Variants in CPQ observed in about 807,000 individuals in gnomAD.
The protein encoded by CPQ is Ser-Met dipeptidase.
CPQ carries 37 observed loss-of-function variants against 45.7 expected under a neutral mutation model. That is an observed-to-expected ratio of 0.81 (90% confidence interval 0.62 to 1.07). The LOEUF is 1.07. Ranked by LOEUF, CPQ falls within the 50% of genes least tolerant of loss-of-function variation. CPQ has a pLI of 0.00. For missense variants in CPQ, 537 were observed against 572.9 expected (o/e 0.94, Z 0.64); for synonymous variants, 186 against 205.8 (o/e 0.90, Z 0.82).
intron 7 of CPQ, among the ~76,000 whole-genome samples, chr8:97,096,518 T>TA (rs1331139744): frequency 6.6e-6 from 1 of 152,154 alleles, no homozygotes; most frequent in Non-Finnish European, 1.5e-5. Flanking sequence ...ACAACTACTA[T>TA]AAAAATGGAA....
intron 1 of CPQ, among the ~76,000 whole-genome samples, chr8:96,662,085 G>A (rs142160869): frequency 6.6e-6 from 1 of 152,154 alleles, no homozygotes; most frequent in Non-Finnish European, 1.5e-5. Flanking sequence ...ATCTTCTTTG[G>A]TAAGGTGTCT....
intron 2 of CPQ, among the ~76,000 whole-genome samples, chr8:96,824,393 A>C (rs1811351275): frequency 6.6e-6 from 1 of 152,082 alleles, no homozygotes; most frequent in Non-Finnish European, 1.5e-5. Context: ...GTACACATAC[A>C]ATAGCTATTT....
intron 1 of CPQ, among the ~76,000 whole-genome samples, chr8:96,724,638 C>T (rs1350702184): frequency 1.3e-5 from 2 of 152,130 alleles, no homozygotes; most frequent in Admixed American, 6.5e-5. Flanking sequence ...ATTCCATGCT[C>T]ATGAATTGGA....
chr8:97,019,023 C>T (rs1001315118), intron 5 of CPQ, among the ~76,000 whole-genome samples: 1 of 152,198 alleles, frequency 6.6e-6, no homozygotes, highest in Non-Finnish European at 1.5e-5. Context: ...ATCAGATTAA[C>T]AGCAGATTTC....
chr8:96,964,636 A>G (rs1813524765), intron 4 of CPQ, among the ~76,000 whole-genome samples: 1 of 152,124 alleles, frequency 6.6e-6, no homozygotes, highest in Admixed American at 6.6e-5. Context: ...ACTCTCACAT[A>G]TTAAAGATCT....
intron 7 of CPQ, among the ~76,000 whole-genome samples, chr8:97,101,913 GCTCTCT>G (rs71512450): frequency 5.5e-4 from 66 of 119,420 alleles, no homozygotes; most frequent in Admixed American, 1.3e-3. Flanking sequence ...TAGATTGGTG[GCTCTCT>G]CTCTCTCTCT....
intron 6 of CPQ, among the ~76,000 whole-genome samples, chr8:97,036,262 G>A (rs922979973): frequency 6.6e-6 from 1 of 152,188 alleles, no homozygotes; most frequent in Non-Finnish European, 1.5e-5. Context: ...AAGGGCATGA[G>A]GAGGAAGATT....
intron 1 of CPQ, among the ~76,000 whole-genome samples, chr8:96,764,693 T>A (rs929379668): frequency 9.2e-5 from 14 of 152,302 alleles, no homozygotes; most frequent in Non-Finnish European, 1.8e-4. Context: ...CCTATTAAAA[T>A]TTCCCCTATC....
intron 1 of CPQ, among the ~76,000 whole-genome samples, chr8:96,770,872 T>C (rs1486485087): frequency 6.7e-6 from 1 of 148,998 alleles, no homozygotes; most frequent in Non-Finnish European, 1.5e-5. Context: ...CCACCAGGCA[T>C]ACAATTAGGG....
intron 1 of CPQ, among the ~76,000 whole-genome samples, chr8:96,778,593 T>G (rs1254100136): frequency 2.0e-5 from 3 of 152,204 alleles, no homozygotes; most frequent in Admixed American, 2.0e-4. Flanking sequence ...GTTAAAAGAA[T>G]ATCTTTTAAA....
chr8:96,717,834 G>A (rs560713867), intron 1 of CPQ, among the ~76,000 whole-genome samples: 2 of 152,296 alleles, frequency 1.3e-5, no homozygotes, highest in South Asian at 4.1e-4. Context: ...TCTAGCTGCT[G>A]GGGTAATGTT....
intron 6 of CPQ, among the ~76,000 whole-genome samples, chr8:97,041,260 T>G (rs1810118450): frequency 6.6e-6 from 1 of 152,044 alleles, no homozygotes; most frequent in African/African-American, 2.4e-5. Context: ...TGAATGGGAG[T>G]TCACTCATGA....
chr8:97,055,186 C>T (rs1365390930), intron 6 of CPQ, among the ~76,000 whole-genome samples: 1 of 152,124 alleles, frequency 6.6e-6, no homozygotes, highest in Non-Finnish European at 1.5e-5. Context: ...CTGGATTCTC[C>T]ACAAGCCTCC....
At chr8:96,849,224 C>T (rs1368426432) in intron 3 of CPQ, among the ~76,000 whole-genome samples, 2 of 152,182 alleles carry the variant, frequency 1.3e-5, no homozygotes, top group Non-Finnish European at 1.5e-5. Context: ...CAATAGCATA[C>T]TCTGAATTAC....
At chr8:97,031,387 C>T (rs1378285485) in intron 6 of CPQ, among the ~76,000 whole-genome samples, 1 of 151,874 alleles carries the variant, frequency 6.6e-6, no homozygotes, top group Non-Finnish European at 1.5e-5. Flanking sequence ...GGGGTTTCAC[C>T]GTGTTAGCCA....
At chr8:97,022,391 A>C (rs1809704160) in intron 5 of CPQ, among the ~76,000 whole-genome samples, 1 of 152,260 alleles carries the variant, frequency 6.6e-6, no homozygotes. Context: ...CTGGGATTTA[A>C]TTAAACTTAA....
chr8:96,861,501 G>A (rs957076179), intron 3 of CPQ, among the ~76,000 whole-genome samples: 3 of 152,070 alleles, frequency 2.0e-5, no homozygotes, highest in South Asian at 4.1e-4. Flanking sequence ...CCCTGAAGAC[G>A]TTTAAGTACA....
chr8:97,027,797 A>G (rs1809827401), intron 5 of CPQ, among the ~76,000 whole-genome samples: 1 of 152,244 alleles, frequency 6.6e-6, no homozygotes, highest in Non-Finnish European at 1.5e-5. Context: ...TGGCGACATT[A>G]CAATGAATAA....
At chr8:96,895,572 GTCTT>G (rs1812432824) in intron 4 of CPQ, among the ~76,000 whole-genome samples, 1 of 152,096 alleles carries the variant, frequency 6.6e-6, no homozygotes, top group African/African-American at 2.4e-5. Flanking sequence ...TTTTGAATGT[GTCTT>G]TTGAACTGTT....
Sources: allele counts gnomAD v4.1 joint callset (sites outside exome capture counted in the v4.1 genomes callset), GRCh38; gene constraint gnomAD v4.1.1; transcripts MANE v1.5; gene names NCBI Gene and HGNC (gene_info 2026-07-23, HGNC 2026-07-21).